The following FNIP2 variants were observed in gnomAD, a reference collection of about 807,000 sequenced individuals.
The protein encoded by FNIP2 is folliculin interacting protein 2.
A neutral mutation model predicts 108.7 loss-of-function variants in FNIP2; 32 were observed. The observed-to-expected ratio is 0.29, with a 90% CI of 0.22 to 0.40. The LOEUF is 0.40. Ranked by LOEUF, FNIP2 falls within the 10% of genes least tolerant of loss-of-function variation. The pLI, the probability that FNIP2 is intolerant of heterozygous loss-of-function variation, is 1.00. For synonymous variants in FNIP2, 480 were observed against 496.7 expected (o/e 0.97, Z 0.45); for missense variants, 1,202 against 1,381.6 (o/e 0.87, Z 2.06).
intron 15 of FNIP2, chr4:158,893,632 C>CTTAT (rs1782430497): frequency 7.3e-7 from 1 of 1,364,134 alleles, no homozygotes; most frequent in Admixed American, 2.0e-5. Context: ...TTATTATGAT[C>CTTAT]TTATTTTTTG....
chr4:158,840,389 G>GT (rs1381930042), intron 7 of FNIP2, among the ~76,000 whole-genome samples: 1 of 151,630 alleles, frequency 6.6e-6, no homozygotes, highest in Non-Finnish European at 1.5e-5. Context: ...GCTAAAATTT[G>GT]TTTTTTTGTT....
At position 158,871,729 on chromosome 4, in the gene FNIP2, T is replaced by A. The variant is rs577530155; in HGVS notation, c.2949+1260T>A. 160 of 985,378 alleles carry A rather than the reference T, an allele frequency of 1.6e-4. No homozygotes were observed. In the African/African-American group the frequency reaches 2.6e-3, roughly 16 times the overall value. 61.0% of individuals were successfully genotyped at this position (985,378 alleles called of 1,614,324 possible). On this transcript the variant is annotated intron_variant, in intron 14 of 16. Transcript: ENST00000264433. ...TCCTGGGATGAAACTATGAAGTTGC[T>A]TTTGTCCCTATAATATCATAATTAT... is the stretch of plus-strand genomic sequence containing the variant.
intron 14 of FNIP2, among the ~76,000 whole-genome samples, chr4:158,891,165 G>C (rs968347978): frequency 3.9e-5 from 6 of 152,096 alleles, no homozygotes; most frequent in Admixed American, 1.3e-4. Context: ...AGGTCTCTCT[G>C]TCTCTGGCTC....
chr4:158,895,713 C>T (rs986789200), intron 15 of FNIP2, 37 bp from the exon 16 acceptor site: 1 of 1,306,926 alleles, frequency 7.7e-7, no homozygotes, highest in African/African-American at 1.5e-5. Context: ...AGAGATTTGA[C>T]TTCTAGCCCT....
rs185009094 is a variant in FNIP2, at chr4:158,831,401, G to A, written c.382-460G>A. ...TATCAGACCATCTGTTATCTTTTGGGCCCTCATAAAACCCTATCTGCAGCA... is the reference window on the plus strand; with the variant it reads ...TATCAGACCATCTGTTATCTTTTGGACCCTCATAAAACCCTATCTGCAGCA... On this transcript the variant is annotated intron_variant, in intron 3 of 16. Transcript: ENST00000264433. 3.3e-3 allele frequency among the ~76,000 whole-genome samples: 500 copies of A among 152,236 alleles called. 8 individuals carry two copies. The highest frequency in any genetic ancestry group is 9.9e-4 in the Non-Finnish European group (67 of 68,006).
chr4:158,898,172 C>T (rs1293368097), intron 16 of FNIP2, among the ~76,000 whole-genome samples: 1 of 152,016 alleles, frequency 6.6e-6, no homozygotes, highest in African/African-American at 2.4e-5. Context: ...ATTTCTGAGG[C>T]CTCAGTTCTG....
intron 1 of FNIP2, among the ~76,000 whole-genome samples, chr4:158,802,451 A>C (rs1390583550): frequency 6.6e-6 from 1 of 152,128 alleles, no homozygotes; most frequent in Non-Finnish European, 1.5e-5. Flanking sequence ...TCATTAAATG[A>C]GAATAATCAG....
Position 158,897,916 on chromosome 4 carries a change from G to A in FNIP2, c.3266+2051G>A, listed in dbSNP as rs139681557. On this transcript the variant is annotated intron_variant, in intron 16 of 16. Transcript: ENST00000264433. ...TTTTAGTCATGAAGTCTTTGCCCAT[G>A]CCTATGCCTGAATGGTATTGCCTAG... Among the ~76,000 whole-genome samples, 10 of 152,290 alleles carry A rather than the reference G, an allele frequency of 6.6e-5. No individual in the cohort carries two copies. In the East Asian group the frequency reaches 1.9e-3, roughly 29 times the overall value.
At chr4:158,834,435 C>A (rs1560788120) in intron 6 of FNIP2, 1 of 151,942 alleles carries the variant, frequency 6.6e-6, no homozygotes, top group African/African-American at 2.4e-5. Context: ...ATGTGAGGAA[C>A]CTCCATTACT....
At chr4:158,872,142 C>T (rs1012106902) in intron 14 of FNIP2, 159 of 985,240 alleles carry the variant, frequency 1.6e-4, no homozygotes, top group Non-Finnish European at 1.9e-4. Flanking sequence ...TGGGATTGTC[C>T]TCAGTGACAT....
chr4:158,844,204 A>G (rs372495008), intron 7 of FNIP2, among the ~76,000 whole-genome samples: 2 of 152,218 alleles, frequency 1.3e-5, no homozygotes, highest in South Asian at 2.1e-4. Context: ...CCAATCTGTC[A>G]TATTAACAGA....
At chr4:158,802,524 A>G (rs184059932) in intron 1 of FNIP2, among the ~76,000 whole-genome samples, 26 of 152,268 alleles carry the variant, frequency 1.7e-4, no homozygotes, top group Admixed American at 7.2e-4. Context: ...ACGTTTCTCA[A>G]TTGTTGCTTC....
rs1780903331 is a variant in FNIP2 at position 158,870,812 on chromosome 4, C to T, written c.2949+343C>T. Among the ~76,000 whole-genome samples the T allele has an allele frequency of 3.3e-5, 5 of 152,366 alleles. No individual in the cohort carries two copies. The South Asian group carries it at 1.0e-3, about 32-fold the overall frequency. On this transcript the variant is annotated intron_variant, in intron 14 of 16. Coordinates refer to ENST00000264433, the MANE Select transcript of FNIP2 (RefSeq NM_020840.3). ...ATTCTCTGGTCTCTTTCTGGTGCCT[C>T]TCATTGGCTGAGCCCGGCTGAAAGC...
chr4:158,868,936 C>G lies in FNIP2; in HGVS notation c.2300C>G (p.Pro767Arg), dbSNP rs1190276257. The change falls in exon 13 of 17, where the codon CCT (proline) becomes CGT (arginine). Residue 767 changes from proline to arginine, a missense_variant. By Grantham distance (103) the Pro-to-Arg change is moderately radical. This residue lies in a region of FNIP2 where 878 missense variants were observed against 990.3 expected (regional missense o/e 0.89). Transcript: ENST00000264433. The surrounding 1 kb of genome is among the most constrained non-coding windows in gnomAD (Gnocchi z 4.6). ...VAQDPQVSRS[P>R]FKPGFQENVC... ...CAGGACCCGCAGGTTTCTAGGAGCC[C>G]TTTTAAACCTGGCTTTCAGGAGAAT... The G allele has an allele frequency of 2.5e-6, 4 of 1,613,974 alleles. No homozygotes were observed. In the South Asian group the frequency reaches 4.4e-5, roughly 18 times the overall value.
intron 1 of FNIP2, among the ~76,000 whole-genome samples, chr4:158,790,588 A>T (rs1034102341): frequency 1.3e-5 from 2 of 151,956 alleles, no homozygotes; most frequent in Admixed American, 1.3e-4. Flanking sequence ...GCTCCAAAAA[A>T]TTTTGAAAAT....
At chr4:158,812,430 G>A (rs1777331316) in intron 1 of FNIP2, among the ~76,000 whole-genome samples, 1 of 152,104 alleles carries the variant, frequency 6.6e-6, no homozygotes, top group Non-Finnish European at 1.5e-5. Flanking sequence ...CTCAAGTTAT[G>A]TGTCCTTGGT....
intron 13 of FNIP2, among the ~76,000 whole-genome samples, chr4:158,869,755 A>G (rs899233491): frequency 2.0e-5 from 3 of 152,186 alleles, no homozygotes; most frequent in Non-Finnish European, 4.4e-5. Flanking sequence ...TGTCAACTGC[A>G]GAGAAGGTCC....
intron 1 of FNIP2, among the ~76,000 whole-genome samples, chr4:158,799,115 G>A (rs1279873882): frequency 2.0e-5 from 3 of 152,194 alleles, no homozygotes; most frequent in African/African-American, 7.2e-5. Context: ...ATGCCCATGA[G>A]GTGGCTAAAT....
chr4:158,875,542 G>A (rs61018784), intron 14 of FNIP2, among the ~76,000 whole-genome samples: 7,025 of 28,576 alleles, frequency 0.25, 362 homozygotes, highest in African/African-American at 0.36. Context: ...ATATATATAT[G>A]CTCATGAATA....
Sources: allele counts gnomAD v4.1 joint callset (sites outside exome capture counted in the v4.1 genomes callset), GRCh38; gene constraint gnomAD v4.1.1; regional missense constraint gnomAD v4.1.1; non-coding constraint Gnocchi (gnomAD v3.1); transcripts MANE v1.5; gene names NCBI Gene and HGNC (gene_info 2026-07-23, HGNC 2026-07-21).